The following BSN variants were observed in gnomAD, a reference collection of about 807,000 sequenced individuals.
BSN encodes the protein bassoon presynaptic cytomatrix protein.
In BSN, 57 loss-of-function variants were observed where a neutral mutation model predicts 264.8. The ratio of observed to expected loss-of-function variants is 0.22; its 90% CI spans 0.17 to 0.27. The LOEUF is 0.27. Among genes scored for constraint, BSN ranks in the 10% least tolerant of loss-of-function variants. The pLI is 1.00. For synonymous variants in BSN, 2,059 were observed against 2,137.3 expected (o/e 0.96, Z 1.01); for missense variants, 4,615 against 5,232.5 (o/e 0.88, Z 3.64).
At position 49,671,375 on chromosome 3, in the gene BSN, C is replaced by A. The variant is rs1178260135; in HGVS notation, c.*3890C>A. 7.3e-6 allele frequency: 1 copy of A among 137,268 alleles called. No homozygotes were observed. Among genetic ancestry groups the A allele is most frequent in the Non-Finnish European group, 1.7e-5 (1 of 58,380 alleles). 8.5% of individuals were successfully genotyped at this position (137,268 alleles called of 1,614,324 possible). A position where few individuals can be genotyped will look rare whatever the true frequency, so the allele number is the denominator to read the frequency against. On this transcript the variant is annotated 3_prime_UTR_variant, in exon 12 of 12. Coordinates refer to ENST00000296452, the MANE Select transcript of BSN (RefSeq NM_003458.4). This position sits in a 1 kb window ranked among gnomAD's most constrained non-coding sequence, Gnocchi z 4.1. ...GGGAAGAGTGCTGTACAAAGTCAAACAAACAAGTTTACAGTTGTAAGTGCA... is the reference window on the plus strand; with the variant it reads ...GGGAAGAGTGCTGTACAAAGTCAAAAAAACAAGTTTACAGTTGTAAGTGCA...
At position 49,668,361 on chromosome 3, in the gene BSN, A is replaced by G. The variant is rs2052728240; in HGVS notation, c.*876A>G. On this transcript the variant is annotated 3_prime_UTR_variant, in exon 12 of 12. Transcript: ENST00000296452. ...TTCTTTTGATTTCAAGAACAGCCTT[A>G]ATCATTCCAGTTTGATTTACGTGTA... 1 of 152,584 alleles carries G rather than the reference A, an allele frequency of 6.6e-6. No homozygotes were observed. Among genetic ancestry groups the G allele is most frequent in the African/African-American group, 2.4e-5 (1 of 41,424 alleles). 9.5% of individuals were successfully genotyped at this position (152,584 alleles called of 1,614,324 possible). A position where few individuals can be genotyped will look rare whatever the true frequency, so the allele number is the denominator to read the frequency against.
At position 49,620,637 on chromosome 3, in the gene BSN, A is replaced by T. The variant is rs952487981; in HGVS notation, c.225-4338A>T. ...TTTTGGCTTTTCCTTTGGGAGGGAAAGGAAGCCAGTGCAAGGCTTAAGCAA... is the reference window on the plus strand; with the variant it reads ...TTTTGGCTTTTCCTTTGGGAGGGAATGGAAGCCAGTGCAAGGCTTAAGCAA... On this transcript the variant is annotated intron_variant, in intron 1 of 11. Transcript: ENST00000296452. 2.6e-5 allele frequency among the ~76,000 whole-genome samples: 4 copies of T among 152,164 alleles called. No homozygotes were observed. In the East Asian group the frequency reaches 7.8e-4, roughly 30 times the overall value.
In BSN at chr3:49,670,071, G is replaced by A. The variant is rs1197710662; in HGVS notation, c.*2586G>A. On this transcript the variant is annotated 3_prime_UTR_variant, in exon 12 of 12. Transcript: ENST00000296452. ...CCTCTGGTAGCTATGGATGGGACAG[G>A]AAGCTGCCAACCTTTGTGTTGGACT... 6.5e-6 allele frequency: 1 copy of A among 152,684 alleles called. No homozygotes were observed. Among genetic ancestry groups the A allele is most frequent in the Non-Finnish European group, 1.5e-5 (1 of 68,058 alleles). The allele number at this position is 152,684 out of a possible 1,614,324, so 9.5% of individuals were successfully genotyped here.
rs2052747110 is a variant in BSN, at chr3:49,670,468, C to T, written c.*2983C>T. On this transcript the variant is annotated 3_prime_UTR_variant, in exon 12 of 12. Transcript: ENST00000296452. ...GCCACTCCTCATCCCCCACTGTACCCACAGGATACATCATCGCCCCTCTGT... is the reference window on the plus strand; with the variant it reads ...GCCACTCCTCATCCCCCACTGTACCTACAGGATACATCATCGCCCCTCTGT... 1 of 152,358 alleles carries T rather than the reference C, an allele frequency of 6.6e-6. No individual in the cohort carries two copies. The highest frequency in any genetic ancestry group is 6.5e-5 in the Admixed American group (1 of 15,292). The allele number at this position is 152,358 out of a possible 1,614,324, so 9.4% of individuals were successfully genotyped here.
At chr3:49,561,386 C>G (rs1049622226) in intron 1 of BSN, among the ~76,000 whole-genome samples, 2 of 152,208 alleles carry the variant, frequency 1.3e-5, no homozygotes, top group African/African-American at 2.4e-5. Context: ...TTCAATGCCA[C>G]TGGCTTGTGT....
downstream of BSN, among the ~76,000 whole-genome samples, chr3:49,673,087 C>CTTTTTGTTTTTTTTTTT (rs2052847665): frequency 2.3e-5 from 1 of 43,198 alleles, no homozygotes; most frequent in Admixed American, 3.3e-4. Context: ...CCGGCCGGGA[C>CTTTTTGTTTTTTTTTTT]TTTTTTTTTT....
At position 49,653,792 on chromosome 3, in the gene BSN, A is replaced by G. The variant is rs1200853998; in HGVS notation, c.4236A>G (p.Pro1412=). The part of the protein sequence containing the change: ...SPAGSERSPS[P]SSTAHSYGHS... The stretch of plus-strand genomic sequence containing the variant: ...CAGGCTCCGAGCGTAGTCCTTCACC[A>G]TCTTCCACAGCCCACAGCTATGGAC... The change falls in exon 5 of 12, where the codon CCA becomes CCG. Residue 1412 remains proline (P), a synonymous_variant. Transcript: ENST00000296452. This position sits in a 1 kb window ranked among gnomAD's most constrained non-coding sequence, Gnocchi z 6.3. The G allele has an allele frequency of 3.7e-6, 6 of 1,613,990 alleles. No homozygotes were observed. Among genetic ancestry groups the G allele is most frequent in the Non-Finnish European group, 4.2e-6 (5 of 1,179,986 alleles).
chr3:49,659,766 G>T (rs1223012094), intron 5 of BSN, among the ~76,000 whole-genome samples: 2 of 152,182 alleles, frequency 1.3e-5, no homozygotes, highest in Non-Finnish European at 2.9e-5. Flanking sequence ...GGCTGGATAG[G>T]ACTTACGGGT....
chr3:49,558,048 T>G (rs2051687610), intron 1 of BSN, among the ~76,000 whole-genome samples: 1 of 152,156 alleles, frequency 6.6e-6, no homozygotes, highest in Non-Finnish European at 1.5e-5. Flanking sequence ...AAGAGCCAAA[T>G]CATGGAAGAA....
intron 1 of BSN, among the ~76,000 whole-genome samples, chr3:49,593,783 T>G (rs1282713764): frequency 2.6e-4 from 39 of 150,300 alleles, no homozygotes; most frequent in Admixed American, 5.3e-4. Context: ...ACTAGTTTTT[T>G]TTTTGTTTTG....
chr3:49,639,050 C>G (rs1188527531), intron 2 of BSN, among the ~76,000 whole-genome samples: 1 of 152,162 alleles, frequency 6.6e-6, no homozygotes, highest in East Asian at 1.9e-4. Flanking sequence ...CTCTGGGGAA[C>G]TCTCACTTTG....
intron 1 of BSN, among the ~76,000 whole-genome samples, chr3:49,573,598 A>G (rs573606295): frequency 6.6e-6 from 1 of 151,692 alleles, no homozygotes; most frequent in South Asian, 2.1e-4. Flanking sequence ...AGAGGGCACC[A>G]AAATAGTTGT....
intron 1 of BSN, among the ~76,000 whole-genome samples, chr3:49,568,676 A>G (rs768845406): frequency 3.4e-4 from 51 of 152,204 alleles, no homozygotes; most frequent in Admixed American, 3.9e-4. Context: ...GTGCCTCACC[A>G]TGTGGATATG....
chr3:49,652,989 C>T lies in BSN; in HGVS notation c.3433C>T (p.Arg1145Trp), dbSNP rs751141272. The T allele has an allele frequency of 1.4e-5, 22 of 1,613,140 alleles. No individual in the cohort carries two copies. The highest frequency in any genetic ancestry group is 1.8e-5 in the Non-Finnish European group (21 of 1,179,762). ...EAEALDGGPSRLYKSGSEYNL... is the reference protein window; with the variant it reads ...EAEALDGGPSWLYKSGSEYNL... The stretch of plus-strand genomic sequence containing the variant: ...TGAGGCCTTGGATGGTGGCCCTAGC[C>T]GGCTTTACAAGTCAGGCAGTGAGTA... The change falls in exon 5 of 12, where the codon CGG becomes TGG. Residue 1145 changes from arginine to tryptophan, a missense_variant. By Grantham distance (101) the Arg-to-Trp change is moderately radical. This residue lies in a region of BSN where 3,415 missense variants were observed against 3,866.4 expected (regional missense o/e 0.88). Coordinates refer to ENST00000296452, the MANE Select transcript of BSN (RefSeq NM_003458.4).
chr3:49,564,343 C>G (rs925923125), intron 1 of BSN, among the ~76,000 whole-genome samples: 1 of 152,214 alleles, frequency 6.6e-6, no homozygotes, highest in African/African-American at 2.4e-5. Context: ...GCCTTCCATC[C>G]TGGACTTACA....
chr3:49,642,495 G>A lies in BSN; in HGVS notation c.861G>A (p.Val287=). The part of the protein sequence containing the change: ...RQAETARATS[V]PGPAQAAAPP... ...CTGAGACAGCCAGGGCCACCTCAGT[G>A]CCGGGGCCTGCCCAAGCAGCTGCCC... The change falls in exon 3 of 12, where the codon GTG becomes GTA. Residue 287 remains valine (V), a synonymous_variant. Transcript: ENST00000296452. This position sits in a 1 kb window ranked among gnomAD's most constrained non-coding sequence, Gnocchi z 7.0. 6.4e-7 allele frequency: 1 copy of A among 1,569,114 alleles called. No homozygotes were observed. The highest frequency in any genetic ancestry group is 1.7e-4 in the Middle Eastern group (1 of 5,856).
rs762693732 is a variant in BSN, at chr3:49,663,239, A to G, written c.11081A>G (p.Lys3694Arg). The stretch of plus-strand genomic sequence containing the variant: ...AGCTCTGCTCCAGCTATGCCGAAGA[A>G]GGGTCAGCCTGGGTATCCCAGCTCT... The part of the protein sequence containing the change: ...QPSSAPAMPK[K>R]GQPGYPSSAE... The change falls in exon 7 of 12, where the codon AAG becomes AGG. Residue 3694 changes from lysine (K) to arginine (R), a missense_variant. Coordinates refer to ENST00000296452, the MANE Select transcript of BSN (RefSeq NM_003458.4). The G allele has an allele frequency of 9.9e-6, 16 of 1,614,028 alleles. No individual in the cohort carries two copies. Among genetic ancestry groups the G allele is most frequent in the East Asian group, 2.2e-5 (1 of 44,896 alleles).
chr3:49,610,982 G>T (rs981158935), intron 1 of BSN, among the ~76,000 whole-genome samples: 1 of 152,178 alleles, frequency 6.6e-6, no homozygotes, highest in Non-Finnish European at 1.5e-5. Flanking sequence ...TAGACCCTTA[G>T]CCATCTTTGT....
intron 3 of BSN, among the ~76,000 whole-genome samples, chr3:49,647,767 T>C (rs1192573912): frequency 6.6e-6 from 1 of 152,164 alleles, no homozygotes; most frequent in African/African-American, 2.4e-5. Flanking sequence ...AGATTCTACA[T>C]GGCCTGCCTT....
Sources: allele counts gnomAD v4.1 joint callset (sites outside exome capture counted in the v4.1 genomes callset), GRCh38; gene constraint gnomAD v4.1.1; regional missense constraint gnomAD v4.1.1; non-coding constraint Gnocchi (gnomAD v3.1); transcripts MANE v1.5; gene names NCBI Gene and HGNC (gene_info 2026-07-23, HGNC 2026-07-21).